Variants in GALNT18 observed in about 807,000 individuals in gnomAD.
GALNT18 encodes the protein GalNAc-transferase 18.
GALNT18 carries 44 observed loss-of-function variants against 69.5 expected under a neutral mutation model. That is an observed-to-expected ratio of 0.63 (90% confidence interval 0.50 to 0.81). The LOEUF (loss-of-function observed/expected upper bound fraction) is 0.81, where lower values mean the gene tolerates loss of function less well. Among genes scored for constraint, GALNT18 ranks in the 40% least tolerant of loss-of-function variants. The probability of loss-of-function intolerance (pLI) is 0.00; values close to 1 mark genes in which losing one functional copy is unlikely to be tolerated. For synonymous variants in GALNT18, 364 were observed against 318.2 expected, an observed-to-expected ratio of 1.14 and a Z score of -1.53; for missense variants, 715 against 810.0, an observed-to-expected ratio of 0.88 and a Z score of 1.42.
intron 3 of GALNT18, among the ~76,000 whole-genome samples, chr11:11,391,153 A>T (rs1854182651): frequency 6.6e-6 from 1 of 152,194 alleles, no homozygotes. Context: ...TGCAGGACAC[A>T]GTTGCTGCTC....
At chr11:11,610,220 T>C (rs1435827614) in intron 1 of GALNT18, among the ~76,000 whole-genome samples, 4 of 152,210 alleles carry the variant, frequency 2.6e-5, no homozygotes, top group Non-Finnish European at 5.9e-5. Flanking sequence ...GAGCCTATTT[T>C]CTCTTGATCA....
At chr11:11,516,419 G>A (rs1008199056) in intron 1 of GALNT18, among the ~76,000 whole-genome samples, 2 of 152,170 alleles carry the variant, frequency 1.3e-5, no homozygotes, top group African/African-American at 2.4e-5. Flanking sequence ...ATCACCTGAG[G>A]TTGGGAGTTC....
At chr11:11,545,316 C>A (rs1038676032) in intron 1 of GALNT18, among the ~76,000 whole-genome samples, 2 of 152,180 alleles carry the variant, frequency 1.3e-5, no homozygotes, top group Non-Finnish European at 2.9e-5. Flanking sequence ...CCAGTCTTAG[C>A]CTAAACAGAA....
chr11:11,525,835 T>A (rs1183674242), intron 1 of GALNT18, among the ~76,000 whole-genome samples: 1 of 151,922 alleles, frequency 6.6e-6, no homozygotes, highest in African/African-American at 2.4e-5. Flanking sequence ...GGTTTCTCCA[T>A]GTTGGTCAGG....
chr11:11,536,720 GAGA>G (rs1341124189), intron 1 of GALNT18, among the ~76,000 whole-genome samples: 3 of 151,854 alleles, frequency 2.0e-5, no homozygotes, highest in Non-Finnish European at 4.4e-5. Flanking sequence ...AGTCTCTAAA[GAGA>G]AGGACTTACA....
At position 11,309,263 on chromosome 11, in the gene GALNT18, G is replaced by A. The variant is rs372964498; in HGVS notation, c.1513-16070C>T. ...GATATTGGCCTTCCCAGCTTCCATAGCCATGAGCTGATGAATTTCTCTTCA... is the reference window on the plus strand; with the variant it reads ...GATATTGGCCTTCCCAGCTTCCATAACCATGAGCTGATGAATTTCTCTTCA... On this transcript the variant is annotated intron_variant, in intron 9 of 10. Transcript: ENST00000227756. This position sits in a 1 kb window ranked among gnomAD's most constrained non-coding sequence, Gnocchi z 4.6. Among the ~76,000 whole-genome samples the A allele has an allele frequency of 1.2e-4, 19 of 152,174 alleles. No homozygotes were observed. Among genetic ancestry groups the A allele is most frequent in the African/African-American group, 4.6e-4 (19 of 41,438 alleles).
At chr11:11,287,471 T>C (rs1211327913) in intron 10 of GALNT18, among the ~76,000 whole-genome samples, 1 of 152,082 alleles carries the variant, frequency 6.6e-6, no homozygotes, top group Non-Finnish European at 1.5e-5. Flanking sequence ...GCCACAAAGT[T>C]CTTCTCTGTA....
At chr11:11,466,628 T>G (rs1417440960) in intron 1 of GALNT18, among the ~76,000 whole-genome samples, 1 of 152,204 alleles carries the variant, frequency 6.6e-6, no homozygotes, top group African/African-American at 2.4e-5. Context: ...TATTAGGATT[T>G]TGCATAAGAA....
At position 11,541,715 on chromosome 11, in the gene GALNT18, G is replaced by T. The variant is rs746553873; in HGVS notation, c.235+79644C>A. Reference sequence around the variant, plus strand: ...CCCCACACCTCTATTGCCCCAAAGCGTCGCTAGTAGCCTTGGGGATTCCTC... The same window carrying T: ...CCCCACACCTCTATTGCCCCAAAGCTTCGCTAGTAGCCTTGGGGATTCCTC... On this transcript the variant is annotated intron_variant, in intron 1 of 10. Transcript: ENST00000227756. The surrounding 1 kb of genome is among the most constrained non-coding windows in gnomAD (Gnocchi z 4.8). Among the ~76,000 whole-genome samples, 1 of 152,014 alleles carries T rather than the reference G, an allele frequency of 6.6e-6. No homozygotes were observed. Among genetic ancestry groups the T allele is most frequent in the Non-Finnish European group, 1.5e-5 (1 of 68,010 alleles).
At chr11:11,580,355 C>T (rs1859047110) in intron 1 of GALNT18, among the ~76,000 whole-genome samples, 1 of 152,214 alleles carries the variant, frequency 6.6e-6, no homozygotes, top group Admixed American at 6.5e-5. Context: ...CTGGGTCCTC[C>T]TCATCAAATT....
At position 11,523,276 on chromosome 11, in the gene GALNT18, T is replaced by C. The variant is rs1034670270; in HGVS notation, c.236-74340A>G. On this transcript the variant is annotated intron_variant, in intron 1 of 10. Coordinates refer to ENST00000227756, the MANE Select transcript of GALNT18 (RefSeq NM_198516.3). This position sits in a 1 kb window ranked among gnomAD's most constrained non-coding sequence, Gnocchi z 4.3. The stretch of plus-strand genomic sequence containing the variant: ...TGCCCTCCAAGTACAGCATCTCTTT[T>C]AATACAACAGCTGTTTGAGGCAAAT... Among the ~76,000 whole-genome samples, 3 of 152,154 alleles carry C rather than the reference T, an allele frequency of 2.0e-5. No individual in the cohort carries two copies. Among genetic ancestry groups the C allele is most frequent in the African/African-American group, 7.2e-5 (3 of 41,432 alleles).
chr11:11,317,278 C>A (rs577016998), intron 9 of GALNT18, among the ~76,000 whole-genome samples: 1 of 152,306 alleles, frequency 6.6e-6, no homozygotes, highest in Non-Finnish European at 1.5e-5. Flanking sequence ...GGCACTGAAG[C>A]ACAGTCTCTC....
At chr11:11,335,313 C>T (rs1014896428) in intron 7 of GALNT18, among the ~76,000 whole-genome samples, 1 of 152,186 alleles carries the variant, frequency 6.6e-6, no homozygotes, top group African/African-American at 2.4e-5. Flanking sequence ...AATATCAAGT[C>T]CCCTTCCCCT....
rs1465121668 is a variant in GALNT18 at position 11,318,478 on chromosome 11, G to A, written c.1512+8608C>T. ...CAAGGGACCAGCAGAAGTTAGGAGA[G>A]TGCCTGGAGTAGAATCTTTCCTAGG... On this transcript the variant is annotated intron_variant, in intron 9 of 10. Transcript: ENST00000227756. The surrounding 1 kb of genome is among the most constrained non-coding windows in gnomAD (Gnocchi z 5.1). Among the ~76,000 whole-genome samples, 1 of 152,188 alleles carries A rather than the reference G, an allele frequency of 6.6e-6. No individual in the cohort carries two copies.
At chr11:11,527,009 C>G (rs948189920) in intron 1 of GALNT18, among the ~76,000 whole-genome samples, 2 of 152,108 alleles carry the variant, frequency 1.3e-5, no homozygotes, top group African/African-American at 4.8e-5. Flanking sequence ...AGGAGCCCGA[C>G]ACAGGGAAGA....
chr11:11,390,731 A>G (rs1376655222), intron 3 of GALNT18, among the ~76,000 whole-genome samples: 2 of 152,208 alleles, frequency 1.3e-5, no homozygotes, highest in Admixed American at 6.5e-5. Flanking sequence ...GAGGGGTCCC[A>G]TGAAGGACCA....
At chr11:11,370,258 A>C (rs1388273413) in intron 6 of GALNT18, among the ~76,000 whole-genome samples, 3 of 152,160 alleles carry the variant, frequency 2.0e-5, no homozygotes, top group Non-Finnish European at 4.4e-5. Flanking sequence ...GAAGGGTGAA[A>C]AGTGATCTTT....
Position 11,586,850 on chromosome 11 carries a change from TG to T in GALNT18, c.235+34508del, listed in dbSNP as rs1392829475. On this transcript the variant is annotated intron_variant, in intron 1 of 10. Coordinates refer to ENST00000227756, the MANE Select transcript of GALNT18 (RefSeq NM_198516.3). The surrounding 1 kb of genome is among the most constrained non-coding windows in gnomAD (Gnocchi z 4.1). Reference sequence around the variant, plus strand: ...CACACACACAAAAAAAAGCCAGGTGTGGTGGCGGGCGTCTGTAATCCCAGCT... The same window carrying T: ...CACACACACAAAAAAAAGCCAGGTGTGTGGCGGGCGTCTGTAATCCCAGCT... Among the ~76,000 whole-genome samples, 1 of 151,602 alleles carries T rather than the reference TG, an allele frequency of 6.6e-6. No individual in the cohort carries two copies. The highest frequency in any genetic ancestry group is 2.4e-5 in the African/African-American group (1 of 41,216).
intron 1 of GALNT18, among the ~76,000 whole-genome samples, chr11:11,545,346 T>C (rs1858026682): frequency 6.6e-6 from 1 of 152,208 alleles, no homozygotes; most frequent in South Asian, 2.1e-4. Context: ...GCAGATATCC[T>C]GCTAGCAGGC....
Sources: allele counts gnomAD v4.1 joint callset (sites outside exome capture counted in the v4.1 genomes callset), GRCh38; gene constraint gnomAD v4.1.1; non-coding constraint Gnocchi (gnomAD v3.1); transcripts MANE v1.5; gene names NCBI Gene and HGNC (gene_info 2026-07-23, HGNC 2026-07-21).